The following BRCA1 variants were observed in gnomAD, a reference collection of about 807,000 sequenced individuals.
The protein encoded by BRCA1 is breast cancer type 1 susceptibility protein.
Under a neutral mutation model 173.7 loss-of-function variants are expected in BRCA1, and 140 were observed. That is an observed-to-expected ratio of 0.81 (90% CI 0.70 to 0.93). The LOEUF is 0.93. Among genes scored for constraint, BRCA1 ranks in the 40% least tolerant of loss-of-function variants. The pLI, the probability that BRCA1 is intolerant of heterozygous loss-of-function variation, is 0.00. For missense variants in BRCA1, 1,983 were observed against 2,172.5 expected, an observed-to-expected ratio of 0.91 and a Z score of 1.73; for synonymous variants, 662 against 756.0, an observed-to-expected ratio of 0.88 and a Z score of 2.04.
intron 2 of BRCA1, among the ~76,000 whole-genome samples, chr17:43,119,898 G>A (rs959993164): frequency 3.9e-5 from 6 of 152,086 alleles, no homozygotes; most frequent in African/African-American, 9.7e-5. Context: ...TGAAAACTCC[G>A]ATATGTAAAA....
At chr17:43,149,276 T>TC (rs2056144826) in intron 1 of BRCA1, among the ~76,000 whole-genome samples, 1 of 151,474 alleles carries the variant, frequency 6.6e-6, no homozygotes, top group Non-Finnish European at 1.5e-5. Flanking sequence ...TTTTTTTTTT[T>TC]TTTTTTTTCT....
chr17:43,123,349 G>GTTTT (rs149379936), intron 2 of BRCA1, among the ~76,000 whole-genome samples: 53 of 85,150 alleles, frequency 6.2e-4, no homozygotes, highest in African/African-American at 8.8e-4. Flanking sequence ...GATCATCCAT[G>GTTTT]TTTTTTTTTT....
At position 43,095,942 on chromosome 17, in the gene BRCA1, T is replaced by C. The variant is rs80358017; in HGVS notation, c.594-20A>G. On this transcript the variant is annotated intron_variant, in intron 8 of 22. Coordinates refer to ENST00000357654, the MANE Select transcript of BRCA1 (RefSeq NM_007294.4). The stretch of plus-strand genomic sequence containing the variant: ...CCCACACTATAGGGAAAAGACAGAG[T>C]CCTAATAAGAAACACTAGTTACATG... 1.8e-5 allele frequency: 28 copies of C among 1,590,364 alleles called. No homozygotes were observed. Among genetic ancestry groups the C allele is most frequent in the Non-Finnish European group, 2.3e-5 (27 of 1,159,528 alleles).
At chr17:43,090,749 CGT>C (rs945278322) in intron 11 of BRCA1, among the ~76,000 whole-genome samples, 193 bp downstream of exon 11, 3 of 151,852 alleles carry the variant, frequency 2.0e-5, no homozygotes, top group Admixed American at 6.6e-5. Flanking sequence ...TGCGCGTGTG[CGT>C]GTGTGTGAAA....
intron 6 of BRCA1, among the ~76,000 whole-genome samples, chr17:43,102,948 CTT>C (rs36085989): frequency 1.4e-4 from 20 of 146,398 alleles, no homozygotes; most frequent in Admixed American, 2.0e-4. Context: ...CACCCAGCTA[CTT>C]TTTTTTTTTT....
intron 1 of BRCA1, among the ~76,000 whole-genome samples, chr17:43,144,555 C>T (rs1479960214): frequency 6.6e-6 from 1 of 152,184 alleles, no homozygotes; most frequent in African/African-American, 2.4e-5. Flanking sequence ...GGAAAGATGG[C>T]CCTGTGCTTC....
intron 1 of BRCA1, among the ~76,000 whole-genome samples, chr17:43,143,486 T>C (rs1174514252): frequency 9.2e-5 from 14 of 152,222 alleles, no homozygotes; most frequent in Non-Finnish European, 4.4e-5. Flanking sequence ...GGGGTGCTGC[T>C]GTTCTGCAGT....
intron 7 of BRCA1, 150 bp from the exon 8 acceptor site, chr17:43,097,439 T>C (rs759679074): frequency 1.3e-4 from 100 of 755,818 alleles, no homozygotes; most frequent in Non-Finnish European, 2.3e-5. Flanking sequence ...AGCTAGTATG[T>C]AATACAGAGA....
intron 11 of BRCA1, among the ~76,000 whole-genome samples, chr17:43,090,171 T>C (rs1338273409): frequency 6.6e-6 from 1 of 152,118 alleles, no homozygotes; most frequent in Non-Finnish European, 1.5e-5. Context: ...AAAATTGCGA[T>C]TGCTGGCAAT....
rs398122689 is a variant in BRCA1 at position 43,074,417 on chromosome 17, T to A, written c.4589A>T (p.Lys1530Met). The part of the protein sequence containing the change: ...RNYPSQEELI[K>M]VVDVEEQQLE... ...CTGTTGCTCCTCCACATCAACAACCTTAATGAGCTCCTCTTGAGATGGGTA... is the reference window on the plus strand; with the variant it reads ...CTGTTGCTCCTCCACATCAACAACCATAATGAGCTCCTCTTGAGATGGGTA... The change falls in exon 14 of 23, where the codon AAG (lysine) becomes ATG (methionine). Residue 1530 changes from lysine (K) to methionine (M), a missense_variant. Lys to Met is a moderately conservative substitution (Grantham distance 95). Transcript: ENST00000357654. 1 of 1,614,204 alleles carries A rather than the reference T, an allele frequency of 6.2e-7. No individual in the cohort carries two copies. Among genetic ancestry groups the A allele is most frequent in the East Asian group, 2.2e-5 (1 of 44,882 alleles).
Position 43,076,587 on chromosome 17 carries a change from T to G in BRCA1, c.4385A>C (p.Glu1462Ala). The G allele has an allele frequency of 6.2e-7, 1 of 1,613,706 alleles. No homozygotes were observed. Among genetic ancestry groups the G allele is most frequent in the Non-Finnish European group, 8.5e-7 (1 of 1,179,794 alleles). ...TTCTGGATTCTGGCTTATAGGGTAT[T>G]CACTACTTTTCTGTGAAGTTAATAC... The part of the protein sequence containing the change: ...KAVLTSQKSS[E>A]YPISQNPEGL... Residue 1462 changes from glutamate to alanine, a missense_variant, in exon 13 of 23, where the codon GAA (glutamate) becomes GCA (alanine). Transcript: ENST00000357654.
At chr17:43,077,625 C>A (rs189678812) in intron 12 of BRCA1, among the ~76,000 whole-genome samples, 1 of 152,110 alleles carries the variant, frequency 6.6e-6, no homozygotes, top group African/African-American at 2.4e-5. Flanking sequence ...TGAGCCACTG[C>A]GCCCAGCCTA....
intron 1 of BRCA1, among the ~76,000 whole-genome samples, chr17:43,145,949 A>G (rs1490242949): frequency 2.0e-5 from 3 of 152,130 alleles, no homozygotes; most frequent in African/African-American, 7.2e-5. Context: ...GAACATTTTA[A>G]ATTACTTCCA....
At chr17:43,067,421 A>AT (rs1448642816) in intron 16 of BRCA1, 187 bp downstream of exon 16, 3 of 492,986 alleles carry the variant, frequency 6.1e-6, no homozygotes, top group Non-Finnish European at 1.1e-5. Flanking sequence ...CACCCAGCTA[A>AT]TTTTTTTATT....
At position 43,099,840 on chromosome 17, in the gene BRCA1, G is replaced by C. The variant is rs876660138; in HGVS notation, c.482C>G (p.Thr161Ser). The C allele has an allele frequency of 6.2e-7, 1 of 1,613,866 alleles. No individual in the cohort carries two copies. The highest frequency in any genetic ancestry group is 2.2e-5 in the East Asian group (1 of 44,886). Residue 161 changes from threonine (T) to serine (S), a missense_variant, in exon 7 of 23, where the codon ACT (threonine) becomes AGT (serine). Transcript: ENST00000357654. ...SLSVQLSNLG[T>S]VRTLRTKQRI... ...CTGCTTTGTCCTCAGAGTTCTCACA[G>C]TTCCAAGGTTAGAGAGTTGGACACT...
chr17:43,094,868 T>C lies in BRCA1; in HGVS notation c.671-8A>G, dbSNP rs80358144. 85 of 1,601,710 alleles carry C rather than the reference T, an allele frequency of 5.3e-5. No homozygotes were observed. In the East Asian group the frequency reaches 1.9e-3, roughly 36 times the overall value. ...CAGAAAATTCACAAGCAGCTGAAAA[T>C]ATACAAAAATAACAAGGTACTCAAA... is the stretch of plus-strand genomic sequence containing the variant. On this transcript the variant is annotated splice_region_variant and splice_polypyrimidine_tract_variant and intron_variant, in intron 9 of 22. Coordinates refer to ENST00000357654, the MANE Select transcript of BRCA1 (RefSeq NM_007294.4).
At chr17:43,095,948 T>C (rs2054120127) in intron 8 of BRCA1, 26 bp from the exon 9 acceptor site, 1 of 1,557,768 alleles carries the variant, frequency 6.4e-7, no homozygotes, top group East Asian at 2.2e-5. Context: ...AGAGTCCTAA[T>C]AAGAAACACT....
intron 2 of BRCA1, among the ~76,000 whole-genome samples, chr17:43,121,877 T>C (rs1025193744): frequency 5.9e-5 from 9 of 152,150 alleles, no homozygotes; most frequent in African/African-American, 2.2e-4. Context: ...ATCCTATTTT[T>C]ATGACTCTCT....
intron 14 of BRCA1, among the ~76,000 whole-genome samples, chr17:43,073,840 C>T (rs1332563460): frequency 1.3e-5 from 2 of 151,948 alleles, no homozygotes; most frequent in African/African-American, 4.8e-5. Flanking sequence ...CCGCAACCTC[C>T]GCCTCCCGGG....
Sources: allele counts gnomAD v4.1 joint callset (sites outside exome capture counted in the v4.1 genomes callset), GRCh38; gene constraint gnomAD v4.1.1; transcripts MANE v1.5; gene names NCBI Gene and HGNC (gene_info 2026-07-23, HGNC 2026-07-21).